Variants in PTPRG observed in about 807,000 individuals in gnomAD.
The protein encoded by PTPRG is protein tyrosine phosphatase receptor type G.
In PTPRG, 102 loss-of-function variants were observed where a neutral mutation model predicts 165.3. The ratio of observed to expected loss-of-function variants is 0.62; its 90% confidence interval spans 0.53 to 0.73. The LOEUF (loss-of-function observed/expected upper bound fraction) is 0.73. Ranked by LOEUF, PTPRG falls within the 30% of genes least tolerant of loss-of-function variation. PTPRG has a pLI of 0.00. For synonymous variants in PTPRG, 675 were observed against 669.5 expected, an observed-to-expected ratio of 1.01 and a Z score of -0.13; for missense variants, 1,866 against 1,861.4, an observed-to-expected ratio of 1.00 and a Z score of -0.05.
intron 5 of PTPRG, among the ~76,000 whole-genome samples, chr3:62,117,737 A>C (rs989087070): frequency 6.6e-6 from 1 of 152,150 alleles, no homozygotes; most frequent in African/African-American, 2.4e-5. Context: ...ACAATTACAC[A>C]ATTCACAGGG....
intron 2 of PTPRG, among the ~76,000 whole-genome samples, chr3:61,775,685 C>T (rs577829914): frequency 1.9e-4 from 29 of 152,048 alleles, no homozygotes; most frequent in South Asian, 1.7e-3. Context: ...CCCAAATGTC[C>T]AACAATGATA....
chr3:61,837,199 C>A (rs534081275), intron 2 of PTPRG, among the ~76,000 whole-genome samples: 98 of 152,326 alleles, frequency 6.4e-4, no homozygotes, highest in African/African-American at 2.1e-3. Context: ...AGGTGTGAAC[C>A]ACTGGACCTG....
At chr3:61,850,659 G>A in intron 2 of PTPRG, among the ~76,000 whole-genome samples, 1 of 151,924 alleles carries the variant, frequency 6.6e-6, no homozygotes, top group Non-Finnish European at 1.5e-5. Flanking sequence ...TTATTTATTT[G>A]CTTCTCCTTT....
At chr3:62,167,568 G>A (rs996740088) in intron 7 of PTPRG, among the ~76,000 whole-genome samples, 6 of 152,164 alleles carry the variant, frequency 3.9e-5, no homozygotes, top group Admixed American at 3.9e-4. Context: ...GGTAGGCGAT[G>A]GAGTTAGTAT....
In PTPRG at chr3:61,649,649, C is replaced by T. The variant is rs73838880; in HGVS notation, c.85+87277C>T. Among the ~76,000 whole-genome samples, 1,384 of 152,318 alleles carry T rather than the reference C, an allele frequency of 9.1e-3. 27 individuals are homozygous for T. Among genetic ancestry groups the T allele is most frequent in the African/African-American group, 0.029 (1,202 of 41,566 alleles). On this transcript the variant is annotated intron_variant, in intron 1 of 29. Coordinates refer to ENST00000474889, the MANE Select transcript of PTPRG (RefSeq NM_002841.4). ...ACACCTACGTTTTGGAGGAGACATGCAGGCTTCAAATCACAGCAGGGCTAA... is the reference window on the plus strand; with the variant it reads ...ACACCTACGTTTTGGAGGAGACATGTAGGCTTCAAATCACAGCAGGGCTAA...
intron 1 of PTPRG, among the ~76,000 whole-genome samples, chr3:61,702,270 C>T (rs1207253353): frequency 7.9e-5 from 12 of 151,846 alleles, no homozygotes; most frequent in Non-Finnish European, 1.8e-4. Context: ...TGAGCCACCG[C>T]GTCTGGCCAT....
At position 62,224,862 on chromosome 3, in the gene PTPRG, G is replaced by A. The variant is rs972519397; in HGVS notation, c.2288+5879G>A. Among the ~76,000 whole-genome samples the A allele has an allele frequency of 6.6e-5, 10 of 152,268 alleles. No individual in the cohort carries two copies. Among genetic ancestry groups the A allele is most frequent in the African/African-American group, 2.2e-4 (9 of 41,560 alleles). On this transcript the variant is annotated intron_variant, in intron 13 of 29. Coordinates refer to ENST00000474889, the MANE Select transcript of PTPRG (RefSeq NM_002841.4). The surrounding 1 kb of genome is among the most constrained non-coding windows in gnomAD (Gnocchi z 4.9). ...TATAGTTCTCCCTTGAATGTCCCTCGCAAAGGTCTGCCTTGAAGAGCTGTA... is the reference window on the plus strand; with the variant it reads ...TATAGTTCTCCCTTGAATGTCCCTCACAAAGGTCTGCCTTGAAGAGCTGTA...
intron 12 of PTPRG, among the ~76,000 whole-genome samples, chr3:62,205,363 G>T (rs1700202596): frequency 6.6e-6 from 1 of 152,156 alleles, no homozygotes; most frequent in African/African-American, 2.4e-5. Flanking sequence ...AACATGTACG[G>T]AATGCCCACT....
At chr3:61,600,182 A>ATGTGTGTGTGTGTGTGTG (rs1559518876) in intron 1 of PTPRG, among the ~76,000 whole-genome samples, 36 of 97,078 alleles carry the variant, frequency 3.7e-4, no homozygotes, top group African/African-American at 1.1e-3. Flanking sequence ...AAATATATAT[A>ATGTGTGTGTGTGTGTGTG]TATATATATA....
intron 1 of PTPRG, among the ~76,000 whole-genome samples, chr3:61,738,605 G>T (rs2032856625): frequency 6.6e-6 from 1 of 151,170 alleles, no homozygotes; most frequent in Non-Finnish European, 1.5e-5. Context: ...GAGTGCAGTG[G>T]TGCGATCTTG....
At chr3:62,011,266 A>G in intron 4 of PTPRG, among the ~76,000 whole-genome samples, 1 of 152,320 alleles carries the variant, frequency 6.6e-6, no homozygotes, top group Non-Finnish European at 1.5e-5. Flanking sequence ...AGGTTCCCTT[A>G]TCTGCACAAA....
intron 1 of PTPRG, among the ~76,000 whole-genome samples, chr3:61,631,220 A>G (rs1397438290): frequency 6.7e-6 from 1 of 149,016 alleles, no homozygotes; most frequent in Non-Finnish European, 1.5e-5. Flanking sequence ...GAAAAAAAAA[A>G]TGGGTAGCAA....
At chr3:62,043,085 C>T (rs1559763196) in intron 4 of PTPRG, among the ~76,000 whole-genome samples, 1 of 152,154 alleles carries the variant, frequency 6.6e-6, no homozygotes, top group Non-Finnish European at 1.5e-5. Flanking sequence ...GTAAGTTCAT[C>T]AGTTTAAAAT....
At chr3:61,952,118 GAAAAAAA>G (rs35655816) in intron 2 of PTPRG, among the ~76,000 whole-genome samples, 1 of 79,692 alleles carries the variant, frequency 1.3e-5, no homozygotes, top group Admixed American at 1.5e-4. Flanking sequence ...CTCCACCTCA[GAAAAAAA>G]AAAAAAAAAA....
intron 1 of PTPRG, among the ~76,000 whole-genome samples, chr3:61,656,906 T>C (rs1480060282): frequency 6.6e-6 from 1 of 152,236 alleles, no homozygotes; most frequent in Non-Finnish European, 1.5e-5. Context: ...AACAAATCCC[T>C]GCCTGCACAG....
At chr3:61,796,919 T>C (rs73841149) in intron 2 of PTPRG, among the ~76,000 whole-genome samples, 7,453 of 152,258 alleles carry the variant, frequency 0.049, 309 homozygotes, top group African/African-American at 0.12. Flanking sequence ...GCTGTTGGCT[T>C]AATCCATATG....
Position 61,745,861 on chromosome 3 carries a change from G to C in PTPRG, c.86-3017G>C, listed in dbSNP as rs574938517. Among the ~76,000 whole-genome samples the C allele has an allele frequency of 2.0e-5, 3 of 152,280 alleles. No homozygotes were observed. The East Asian group carries it at 5.8e-4, about 29-fold the overall frequency. On this transcript the variant is annotated intron_variant, in intron 1 of 29. Coordinates refer to ENST00000474889, the MANE Select transcript of PTPRG (RefSeq NM_002841.4). ...TTTATGACCAGGATTTCAAGTGATG[G>C]TTTAAAGCATACGATGGGTGTCATT... is the stretch of plus-strand genomic sequence containing the variant.
At chr3:62,003,570 C>G (rs1161647160) in intron 4 of PTPRG, 73 bp downstream of exon 4, 1 of 1,564,470 alleles carries the variant, frequency 6.4e-7, no homozygotes, top group East Asian at 2.3e-5. Context: ...GTGCCCTTAC[C>G]CTCAGTCATT....
At chr3:61,708,988 G>T (rs1174711565) in intron 1 of PTPRG, among the ~76,000 whole-genome samples, 1 of 152,228 alleles carries the variant, frequency 6.6e-6, no homozygotes, top group Admixed American at 6.5e-5. Flanking sequence ...AGCAAACACT[G>T]GTAGTAAGAT....
Sources: gnomAD v4.1 joint callset for allele counts (sites outside exome capture counted in the v4.1 genomes callset) on GRCh38, gnomAD v4.1.1 for gene constraint, Gnocchi (gnomAD v3.1) non-coding constraint, MANE v1.5 for transcripts, NCBI Gene and HGNC (gene_info 2026-07-23, HGNC 2026-07-21) for gene names.